The following SGMS1 variants were observed in gnomAD, a reference collection of about 807,000 sequenced individuals.
The protein encoded by SGMS1 is sphingomyelin synthase 1.
A neutral mutation model predicts 46.2 loss-of-function variants in SGMS1; 13 were observed. The observed-to-expected ratio is 0.28, with a 90% confidence interval of 0.18 to 0.45. The LOEUF (loss-of-function observed/expected upper bound fraction) is 0.45. Ranked by LOEUF, SGMS1 falls within the 20% of genes least tolerant of loss-of-function variation. The probability of loss-of-function intolerance (pLI) is 1.00; values close to 1 mark genes in which losing one functional copy is unlikely to be tolerated. For missense variants in SGMS1, 324 were observed against 519.9 expected (o/e 0.62, Z 3.66); for synonymous variants, 203 against 187.8 (o/e 1.08, Z -0.66).
intron 7 of SGMS1, among the ~76,000 whole-genome samples, chr10:50,330,314 A>AAAAC (rs1346610792): frequency 6.6e-6 from 1 of 151,930 alleles, no homozygotes; most frequent in Non-Finnish European, 1.5e-5. Flanking sequence ...AAAACAAAAC[A>AAAAC]AAACAAACAA....
At chr10:50,572,925 C>T (rs1838348549) in intron 2 of SGMS1, among the ~76,000 whole-genome samples, 1 of 152,138 alleles carries the variant, frequency 6.6e-6, no homozygotes, top group Non-Finnish European at 1.5e-5. Flanking sequence ...ACTTTCTGTC[C>T]CTATTATCAC....
chr10:50,511,195 C>T (rs1315991099), intron 3 of SGMS1, among the ~76,000 whole-genome samples: 2 of 150,874 alleles, frequency 1.3e-5, no homozygotes, highest in Non-Finnish European at 2.9e-5. Context: ...GAGAACAGTA[C>T]TTCCTGCCTT....
chr10:50,603,886 T>C (rs1335071030), intron 1 of SGMS1, among the ~76,000 whole-genome samples: 3 of 152,184 alleles, frequency 2.0e-5, no homozygotes, highest in Non-Finnish European at 4.4e-5. Context: ...CATAAACAGG[T>C]TAAGATTTTA....
intron 6 of SGMS1, among the ~76,000 whole-genome samples, chr10:50,428,808 A>G (rs544276270): frequency 3.4e-4 from 51 of 152,206 alleles, no homozygotes; most frequent in Non-Finnish European, 5.9e-4. Context: ...GACTAAGTAC[A>G]ATGATTAACA....
intron 3 of SGMS1, among the ~76,000 whole-genome samples, chr10:50,516,724 C>T (rs957464273): frequency 1.3e-5 from 2 of 152,170 alleles, no homozygotes; most frequent in African/African-American, 4.8e-5. Context: ...TTAGAGACAA[C>T]TGATTTTTAA....
chr10:50,496,386 T>C (rs537565010), intron 3 of SGMS1, among the ~76,000 whole-genome samples: 1 of 152,354 alleles, frequency 6.6e-6, no homozygotes, highest in Admixed American at 6.5e-5. Flanking sequence ...TATGAACCTA[T>C]TCACATCAGT....
At chr10:50,485,589 G>T (rs946393284) in intron 3 of SGMS1, among the ~76,000 whole-genome samples, 1 of 152,122 alleles carries the variant, frequency 6.6e-6, no homozygotes, top group Non-Finnish European at 1.5e-5. Flanking sequence ...ATATAGCCAA[G>T]ACAACCCTAA....
rs998742698 is a variant in SGMS1 at position 50,343,578 on chromosome 10, C to A, written c.537G>T (p.Arg179=). Reference sequence around the variant, plus strand: ...CACAAATAGAAAAGGCCCACTGCACCCGGTTAAAATGGTCAAAAAATGTGT... The same window carrying A: ...CACAAATAGAAAAGGCCCACTGCACACGGTTAAAATGGTCAAAAAATGTGT... The part of the protein sequence containing the change: ...LPDTFFDHFN[R]VQWAFSICEI... Residue 179 remains arginine, a synonymous_variant, in exon 7 of 11, where the codon CGG becomes CGT. Coordinates refer to ENST00000361781, the MANE Select transcript of SGMS1 (RefSeq NM_147156.4). 1.2e-6 allele frequency: 2 copies of A among 1,614,032 alleles called. No individual in the cohort carries two copies. The highest frequency in any genetic ancestry group is 3.3e-5 in the Admixed American group (2 of 60,004).
At chr10:50,594,935 T>C (rs1838576682) in intron 1 of SGMS1, among the ~76,000 whole-genome samples, 1 of 152,156 alleles carries the variant, frequency 6.6e-6, no homozygotes, top group Non-Finnish European at 1.5e-5. Context: ...ATCTTGTAGA[T>C]GGAAGAAACT....
At position 50,573,481 on chromosome 10, in the gene SGMS1, G is replaced by T. The variant is rs1432429493; in HGVS notation, c.-589+16672C>A. On this transcript the variant is annotated intron_variant, in intron 2 of 10. Transcript: ENST00000361781. ...AATACTTAGAAATAAACCTAACCTGGGAGGTAACATACTTGTACACAAAAC... is the reference window on the plus strand; with the variant it reads ...AATACTTAGAAATAAACCTAACCTGTGAGGTAACATACTTGTACACAAAAC... 2.0e-5 allele frequency among the ~76,000 whole-genome samples: 3 copies of T among 152,018 alleles called. No individual in the cohort carries two copies. In the East Asian group the frequency reaches 5.8e-4, roughly 29 times the overall value.
At chr10:50,323,911 T>C (rs1227522378) in intron 8 of SGMS1, among the ~76,000 whole-genome samples, 1 of 152,194 alleles carries the variant, frequency 6.6e-6, no homozygotes, top group Non-Finnish European at 1.5e-5. Context: ...AGTTACAAAT[T>C]TAAACTAACA....
At chr10:50,450,599 A>G (rs919777988) in intron 5 of SGMS1, among the ~76,000 whole-genome samples, 22 of 152,154 alleles carry the variant, frequency 1.4e-4, no homozygotes, top group Non-Finnish European at 2.6e-4. Context: ...TTGTGTTTCA[A>G]TTATGGTTTC....
chr10:50,563,269 C>T (rs1373230619), intron 2 of SGMS1, among the ~76,000 whole-genome samples: 8 of 152,312 alleles, frequency 5.3e-5, no homozygotes, highest in African/African-American at 1.9e-4. Context: ...TACCATACTC[C>T]AAGACCATGC....
chr10:50,579,220 G>A (rs1201781930), intron 2 of SGMS1, among the ~76,000 whole-genome samples: 3 of 152,064 alleles, frequency 2.0e-5, no homozygotes, highest in Non-Finnish European at 4.4e-5. Context: ...GAAGGTAAAC[G>A]TAGGAAATAT....
intron 4 of SGMS1, 62 bp from the exon 5 acceptor site, chr10:50,460,876 TGA>T (rs1837255938): frequency 6.6e-6 from 1 of 152,228 alleles, no homozygotes. Flanking sequence ...ATTCTAAAGC[TGA>T]GAGAGATTGT....
At chr10:50,375,210 C>T (rs1048259858) in intron 6 of SGMS1, among the ~76,000 whole-genome samples, 1 of 152,048 alleles carries the variant, frequency 6.6e-6, no homozygotes, top group African/African-American at 2.4e-5. Context: ...GTGATGACTA[C>T]AACATAAGAG....
chr10:50,597,555 A>G (rs1291630818), intron 1 of SGMS1, among the ~76,000 whole-genome samples: 7 of 152,226 alleles, frequency 4.6e-5, no homozygotes, highest in African/African-American at 1.7e-4. Context: ...ATAGTCTTAC[A>G]AAGAAAAAAT....
chr10:50,346,489 T>G (rs1847913858), intron 6 of SGMS1, among the ~76,000 whole-genome samples: 1 of 152,188 alleles, frequency 6.6e-6, no homozygotes, highest in Admixed American at 6.5e-5. Context: ...TGATAAAATC[T>G]TCCAAGCTTT....
At chr10:50,532,178 T>C (rs1388039879) in intron 2 of SGMS1, among the ~76,000 whole-genome samples, 1 of 151,918 alleles carries the variant, frequency 6.6e-6, no homozygotes, top group East Asian at 1.9e-4. Context: ...CAGAGATATG[T>C]CCCTTAGGTT....
Sources: allele counts gnomAD v4.1 joint callset (sites outside exome capture counted in the v4.1 genomes callset), GRCh38; gene constraint gnomAD v4.1.1; transcripts MANE v1.5; gene names NCBI Gene and HGNC (gene_info 2026-07-23, HGNC 2026-07-21).